The following HYAL1 variants were observed in gnomAD, a reference collection of about 807,000 sequenced individuals.
HYAL1 encodes hyaluronidase 1.
A neutral mutation model predicts 28.8 loss-of-function variants in HYAL1; 21 were observed. The observed-to-expected ratio is 0.73, with a 90% CI of 0.52 to 1.05. The LOEUF is 1.05. HYAL1 is among the 50% of genes least tolerant of loss of function. The probability of loss-of-function intolerance (pLI) is 0.00; values close to 1 mark genes in which losing one functional copy is unlikely to be tolerated. For missense variants in HYAL1, 491 were observed against 579.2 expected (o/e 0.85, Z 1.56); for synonymous variants, 200 against 230.1 (o/e 0.87, Z 1.18).
intron 1 of HYAL1, among the ~76,000 whole-genome samples, chr3:50,310,742 C>T (rs1702428511): frequency 6.6e-6 from 1 of 150,388 alleles, no homozygotes; most frequent in Admixed American, 6.6e-5. Flanking sequence ...GCAGAGGACC[C>T]CACGGCCTTC....
At chr3:50,301,151 G>A (rs1702140711) in intron 2 of HYAL1, 74 bp from the exon 3 acceptor site, 18 of 996,262 alleles carry the variant, frequency 1.8e-5, no homozygotes, top group Non-Finnish European at 2.3e-5. Flanking sequence ...ACCATTAGAT[G>A]GGACAAATAA....
chr3:50,300,602 G>T lies in HYAL1; in HGVS notation c.1189C>A (p.Pro397Thr). The T allele has an allele frequency of 6.2e-7, 1 of 1,614,204 alleles. No homozygotes were observed. The highest frequency in any genetic ancestry group is 8.5e-7 in the Non-Finnish European group (1 of 1,180,026). ...GAGAGGGCACCCCGCAGGCTCAGGG[G>T]CCCACCACCAGGCGTGAGCTGGATG... is the stretch of plus-strand genomic sequence containing the variant. ...FSIQLTPGGG[P>T]LSLRGALSLE... Residue 397 changes from proline (P) to threonine (T), a missense_variant, in exon 4 of 4, where the codon CCC becomes ACC. Coordinates refer to ENST00000395144, the MANE Select transcript of HYAL1 (RefSeq NM_033159.4).
chr3:50,301,169 C>A (rs1340700899), intron 2 of HYAL1, 92 bp from the exon 3 acceptor site: 3 of 843,596 alleles, frequency 3.6e-6, no homozygotes. Context: ...TAATTCATAA[C>A]CTTCACCTGG....
chr3:50,312,355 G>A (rs1254578755), exon 1 of HYAL1: 11 of 172,944 alleles, frequency 6.4e-5, no homozygotes, highest in African/African-American at 1.7e-4. Flanking sequence ...CGGACGGGGC[G>A]ACAGGGCAGA....
chr3:50,311,327 A>G (rs1352090398), intron 1 of HYAL1, among the ~76,000 whole-genome samples: 1 of 91,992 alleles, frequency 1.1e-5, no homozygotes. Flanking sequence ...TGACCCCCCC[A>G]CCTCCCTCCC....
chr3:50,310,514 C>T (rs1256842275), intron 1 of HYAL1, among the ~76,000 whole-genome samples: 2 of 151,546 alleles, frequency 1.3e-5, no homozygotes, highest in Admixed American at 1.3e-4. Context: ...GATCTGCCCG[C>T]CTCGGCCTCC....
chr3:50,312,090 C>G (rs868982369), intron 1 of HYAL1, among the ~76,000 whole-genome samples: 1 of 133,116 alleles, frequency 7.5e-6, no homozygotes, highest in Admixed American at 7.2e-5. Flanking sequence ...ACCTCCCTCC[C>G]GGACGGGGCG....
chr3:50,303,032 C>A (rs931354362), intron 1 of HYAL1, 52 bp from the exon 2 acceptor site: 15 of 1,391,404 alleles, frequency 1.1e-5, no homozygotes, highest in Non-Finnish European at 1.4e-5. Context: ...CCGATTCCCC[C>A]ACTGCTCAGG....
chr3:50,308,191 A>G (rs1033741720), upstream of HYAL1, among the ~76,000 whole-genome samples: 9 of 151,124 alleles, frequency 6.0e-5, no homozygotes, highest in Non-Finnish European at 1.0e-4. Flanking sequence ...CAGTGGTGCA[A>G]TCTTGGCTCA....
In HYAL1 at chr3:50,302,039, A is replaced by C. The variant is rs373351472; in HGVS notation, c.900+18T>G. The C allele has an allele frequency of 3.0e-5, 48 of 1,613,672 alleles. No individual in the cohort carries two copies. Among genetic ancestry groups the C allele is most frequent in the Non-Finnish European group, 4.0e-5 (47 of 1,179,676 alleles). ...GACAAGGCAGGTTGACAAGGTGGGCAGGTTACAGAAGACTCACCAGGGGCA... is the reference window on the plus strand; with the variant it reads ...GACAAGGCAGGTTGACAAGGTGGGCCGGTTACAGAAGACTCACCAGGGGCA... On this transcript the variant is annotated intron_variant, in intron 2 of 3. Coordinates refer to ENST00000395144, the MANE Select transcript of HYAL1 (RefSeq NM_033159.4). The surrounding 1 kb of genome is among the most constrained non-coding windows in gnomAD (Gnocchi z 5.0).
intron 1 of HYAL1, among the ~76,000 whole-genome samples, chr3:50,312,072 A>AC (rs1269610258): frequency 6.3e-5 from 6 of 95,356 alleles, no homozygotes; most frequent in East Asian, 2.9e-4. Flanking sequence ...CGGGGGGCTG[A>AC]CCCCCCCACC....
At chr3:50,311,642 C>T (rs1390520401) in intron 1 of HYAL1, among the ~76,000 whole-genome samples, 5 of 136,118 alleles carry the variant, frequency 3.7e-5, no homozygotes, top group African/African-American at 1.4e-4. Flanking sequence ...ACCTCCCTCC[C>T]GGATGGGGCG....
rs902728091 is a variant in HYAL1, at chr3:50,302,104, G to T, written c.853C>A (p.Pro285Thr). 1.2e-6 allele frequency: 2 copies of T among 1,614,210 alleles called. No individual in the cohort carries two copies. Among genetic ancestry groups the T allele is most frequent in the Non-Finnish European group, 1.7e-6 (2 of 1,180,036 alleles). The change falls in exon 2 of 4, where the codon CCC (proline) becomes ACC (threonine). Residue 285 changes from proline (P) to threonine (T), a missense_variant. Pro to Thr is a conservative substitution (Grantham distance 38). Transcript: ENST00000395144. This position sits in a 1 kb window ranked among gnomAD's most constrained non-coding sequence, Gnocchi z 5.0. Reference sequence around the variant, plus strand: ...GTGTCATAGAAGATCTGGACATAGGGCAGCACCGGCAGATTGGGGTCACCA... The same window carrying T: ...GTGTCATAGAAGATCTGGACATAGGTCAGCACCGGCAGATTGGGGTCACCA... Reference protein sequence around the residue: ...AAGDPNLPVLPYVQIFYDTTN... With the variant: ...AAGDPNLPVLTYVQIFYDTTN...
In HYAL1 at chr3:50,302,807, G is replaced by A. The variant is rs377272298; in HGVS notation, c.150C>T (p.Asp50=). 84 of 1,613,932 alleles carry A rather than the reference G, an allele frequency of 5.2e-5. No homozygotes were observed. Among genetic ancestry groups the A allele is most frequent in the Middle Eastern group, 3.3e-4 (2 of 6,084 alleles). ...TQWCLERHGV[D]VDVSVFDVVA... Reference sequence around the variant, plus strand: ...CCACATCGAAGACACTGACATCCACGTCCACACCGTGCCTCTCCAGGCACC... The same window carrying A: ...CCACATCGAAGACACTGACATCCACATCCACACCGTGCCTCTCCAGGCACC... The change falls in exon 2 of 4, where the codon GAC becomes GAT. Residue 50 remains aspartate, a synonymous_variant. Coordinates refer to ENST00000395144, the MANE Select transcript of HYAL1 (RefSeq NM_033159.4). This position sits in a 1 kb window ranked among gnomAD's most constrained non-coding sequence, Gnocchi z 5.0.
intron 2 of HYAL1, 128 bp downstream of exon 2, chr3:50,301,929 T>C (rs1702177002): frequency 4.0e-6 from 4 of 989,578 alleles, no homozygotes; most frequent in Non-Finnish European, 6.3e-6. Flanking sequence ...CCAGCCTGGG[T>C]GACAGAGTGA....
At position 50,302,532 on chromosome 3, in the gene HYAL1, TC is replaced by T; in HGVS notation, c.424del (p.Asp142ThrfsTer29). ...GCGCTGCCGGTAAATGTCCTTGGTG[TC>T]CCAGTTGAAGGCCCAGCGTGGGCGC... The part of the protein sequence containing the change: ...AWRPRWAFNW[D>X]TKDIYRQRSR... On this transcript the variant is annotated frameshift_variant, in exon 2 of 4. Transcript: ENST00000395144. LOFTEE classifies it high-confidence loss of function. This position sits in a 1 kb window ranked among gnomAD's most constrained non-coding sequence, Gnocchi z 5.0. 6.2e-7 allele frequency: 1 copy of T among 1,614,148 alleles called. No individual in the cohort carries two copies. Among genetic ancestry groups the T allele is most frequent in the South Asian group, 1.1e-5 (1 of 91,086 alleles).
In HYAL1 at chr3:50,302,538, T is replaced by C. The variant is rs587637619; in HGVS notation, c.419A>G (p.Asn140Ser). The change falls in exon 2 of 4, where the codon AAC becomes AGC. Residue 140 changes from asparagine to serine, a missense_variant. Physicochemically the swap from Asn to Ser is conservative, Grantham distance 46. Coordinates refer to ENST00000395144, the MANE Select transcript of HYAL1 (RefSeq NM_033159.4). The surrounding 1 kb of genome is among the most constrained non-coding windows in gnomAD (Gnocchi z 5.0). Reference protein sequence around the residue: ...WEAWRPRWAFNWDTKDIYRQR... With the variant: ...WEAWRPRWAFSWDTKDIYRQR... ...CCGGTAAATGTCCTTGGTGTCCCAG[T>C]TGAAGGCCCAGCGTGGGCGCCATGC... 2.1e-4 allele frequency: 339 copies of C among 1,614,156 alleles called. 2 individuals are homozygous for C. The South Asian group carries it at 2.5e-3, about 12-fold the overall frequency.
rs1559820613 is a variant in HYAL1, at chr3:50,302,735, G to A, written c.222C>T (p.Phe74=). 2.5e-6 allele frequency: 4 copies of A among 1,613,946 alleles called. No individual in the cohort carries two copies. Among genetic ancestry groups the A allele is most frequent in the Non-Finnish European group, 3.4e-6 (4 of 1,180,048 alleles). The change falls in exon 2 of 4, where the codon TTC becomes TTT. Residue 74 remains phenylalanine (F), a synonymous_variant. Transcript: ENST00000395144. The surrounding 1 kb of genome is among the most constrained non-coding windows in gnomAD (Gnocchi z 5.0). ...GGTAGGTGCCCAGCTGGGAGCTATA[G>A]AAAATTGTCATGTCAGGGCCGCGGA... ...QTFRGPDMTI[F]YSSQLGTYPY...
chr3:50,307,261 A>G (rs1702349569), upstream of HYAL1, among the ~76,000 whole-genome samples: 1 of 150,552 alleles, frequency 6.6e-6, no homozygotes, highest in Non-Finnish European at 1.5e-5. Flanking sequence ...GCTACTTGGG[A>G]GGCTGAGGCA....
Sources: allele counts gnomAD v4.1 joint callset (sites outside exome capture counted in the v4.1 genomes callset), GRCh38; gene constraint gnomAD v4.1.1; non-coding constraint Gnocchi (gnomAD v3.1); transcripts MANE v1.5; gene names NCBI Gene and HGNC (gene_info 2026-07-23, HGNC 2026-07-21).